TMC1: variants seen among roughly 807,000 people sequenced by gnomAD.
TMC1 encodes the protein transmembrane channel-like protein 1.
Under a neutral mutation model 105.8 loss-of-function variants are expected in TMC1, and 84 were observed. The ratio of observed to expected loss-of-function variants is 0.79; its 90% CI spans 0.67 to 0.95. The LOEUF is 0.95. Ranked by LOEUF, TMC1 falls within the 40% of genes least tolerant of loss-of-function variation. The probability of loss-of-function intolerance (pLI) is 0.00; values close to 1 mark genes in which losing one functional copy is unlikely to be tolerated. For synonymous variants in TMC1, 315 were observed against 311.5 expected (o/e 1.01, Z -0.12); for missense variants, 817 against 914.1 (o/e 0.89, Z 1.37).
intron 1 of TMC1, among the ~76,000 whole-genome samples, chr9:72,576,119 A>G (rs1053699508): frequency 1.3e-5 from 2 of 152,240 alleles, no homozygotes; most frequent in African/African-American, 4.8e-5. Context: ...TGGAATCTTC[A>G]TTAAGATGTC....
At chr9:72,626,488 C>T (rs1825349307) in intron 3 of TMC1, among the ~76,000 whole-genome samples, 1 of 152,122 alleles carries the variant, frequency 6.6e-6, no homozygotes, top group African/African-American at 2.4e-5. Context: ...CCAACAATAG[C>T]ACCTTTAGTA....
At chr9:72,656,112 G>A in intron 5 of TMC1, 1 of 669,360 alleles carries the variant, frequency 1.5e-6, no homozygotes, top group Non-Finnish European at 2.8e-6. Context: ...ATTTTACATT[G>A]CAGCTTGTTA....
chr9:72,706,774 C>G lies in TMC1; in HGVS notation c.362+6131C>G, dbSNP rs980122181. Among the ~76,000 whole-genome samples, 5 of 147,708 alleles carry G rather than the reference C, an allele frequency of 3.4e-5. 1 individual carries two copies. The highest frequency in any genetic ancestry group is 2.7e-4 in the Admixed American group (4 of 14,722). On this transcript the variant is annotated intron_variant, in intron 8 of 23. Transcript: ENST00000297784. ...TATTTCTTTCTTTTTCTTTTTCTTT[C>G]TTTCTTTTTTTTTTTTTTGAGATGG...
intron 5 of TMC1, among the ~76,000 whole-genome samples, chr9:72,673,092 T>G (rs895219058): frequency 6.6e-6 from 1 of 152,174 alleles, no homozygotes; most frequent in Non-Finnish European, 1.5e-5. Flanking sequence ...ATTTGGTAAC[T>G]AATATCATAC....
At position 72,735,771 on chromosome 9, in the gene TMC1, G is replaced by A. The variant is rs536325473; in HGVS notation, c.363-4348G>A. ...GTCCCTTCTTGAAGGCCTGTCACCT[G>A]CAAGAGTACTTTCTTACATCCTATG... On this transcript the variant is annotated intron_variant, in intron 8 of 23. Transcript: ENST00000297784. 1.5e-4 allele frequency among the ~76,000 whole-genome samples: 23 copies of A among 152,014 alleles called. No homozygotes were observed. In the South Asian group the frequency reaches 4.8e-3, roughly 32 times the overall value.
intron 1 of TMC1, among the ~76,000 whole-genome samples, chr9:72,528,611 G>C (rs1218267930): frequency 6.6e-6 from 1 of 152,178 alleles, no homozygotes; most frequent in East Asian, 1.9e-4. Flanking sequence ...TAGGGTTACA[G>C]ATGTGAGCCA....
intron 4 of TMC1, among the ~76,000 whole-genome samples, chr9:72,633,660 C>A (rs1825485787): frequency 6.6e-6 from 1 of 152,152 alleles, no homozygotes; most frequent in African/African-American, 2.4e-5. Flanking sequence ...TTGACTGGCA[C>A]AAGACACAAT....
intron 2 of TMC1, among the ~76,000 whole-genome samples, chr9:72,596,783 T>TA (rs1824728852): frequency 6.6e-6 from 1 of 151,992 alleles, no homozygotes; most frequent in African/African-American, 2.4e-5. Flanking sequence ...ATTTGAATGT[T>TA]AAAAGCTTTC....
intron 1 of TMC1, among the ~76,000 whole-genome samples, chr9:72,568,125 C>T (rs574140243): frequency 1.3e-5 from 2 of 151,762 alleles, no homozygotes; most frequent in Admixed American, 1.3e-4. Context: ...TCAGGAATCC[C>T]CAGATAAACA....
At chr9:72,554,400 T>C (rs1823898922) in intron 1 of TMC1, among the ~76,000 whole-genome samples, 1 of 152,206 alleles carries the variant, frequency 6.6e-6, no homozygotes, top group Admixed American at 6.5e-5. Context: ...CTGAATTCTT[T>C]CCAGTTACAT....
chr9:72,533,132 G>C (rs1035358009), intron 1 of TMC1, among the ~76,000 whole-genome samples: 1 of 152,216 alleles, frequency 6.6e-6, no homozygotes, highest in Non-Finnish European at 1.5e-5. Context: ...GGAAATACTT[G>C]TGAGACAGTG....
At chr9:72,817,937 C>T (rs1299129890) in intron 19 of TMC1, among the ~76,000 whole-genome samples, 1 of 152,158 alleles carries the variant, frequency 6.6e-6, no homozygotes, top group Non-Finnish European at 1.5e-5. Flanking sequence ...AAGATATTCA[C>T]ACACTTTCCA....
At chr9:72,686,077 T>C (rs182133317) in intron 5 of TMC1, among the ~76,000 whole-genome samples, 1 of 152,328 alleles carries the variant, frequency 6.6e-6, no homozygotes, top group East Asian at 1.9e-4. Context: ...CTGCATGAAA[T>C]GAGGATCTGG....
At chr9:72,656,280 C>G (rs1043697179) in intron 5 of TMC1, 6 of 290,444 alleles carry the variant, frequency 2.1e-5, no homozygotes, top group African/African-American at 1.3e-4. Context: ...CAGAGCTCCA[C>G]AACACCTACG....
chr9:72,633,468 C>T (rs980797035), intron 4 of TMC1, among the ~76,000 whole-genome samples: 1 of 152,120 alleles, frequency 6.6e-6, no homozygotes, highest in African/African-American at 2.4e-5. Context: ...GCTCCTGACC[C>T]ATGCCTGTCA....
Position 72,740,108 on chromosome 9 carries a change from T to C in TMC1, c.363-11T>C. ...CTCCTTTTATCCCTTATGTTATTTT[T>C]ATTTTCTCAGGGAGGCAAAAAAATT... On this transcript the variant is annotated splice_polypyrimidine_tract_variant and intron_variant, in intron 8 of 23. Coordinates refer to ENST00000297784, the MANE Select transcript of TMC1 (RefSeq NM_138691.3). 6.2e-7 allele frequency: 1 copy of C among 1,610,142 alleles called. No individual in the cohort carries two copies. The highest frequency in any genetic ancestry group is 1.1e-5 in the South Asian group (1 of 90,994).
Position 72,640,425 on chromosome 9 carries a change from G to C in TMC1, c.-52-8172G>C, listed in dbSNP as rs146464853. Among the ~76,000 whole-genome samples the C allele has an allele frequency of 2.3e-3, 356 of 152,254 alleles. 2 individuals are homozygous for C. Among genetic ancestry groups the C allele is most frequent in the African/African-American group, 8.4e-3 (349 of 41,546 alleles). On this transcript the variant is annotated intron_variant, in intron 4 of 23. Coordinates refer to ENST00000297784, the MANE Select transcript of TMC1 (RefSeq NM_138691.3). ...TCTAAGCTATCCAGGCATCATCATGGGGGTGAGCAGCCTGAATGACAGTAA... is the reference window on the plus strand; with the variant it reads ...TCTAAGCTATCCAGGCATCATCATGCGGGTGAGCAGCCTGAATGACAGTAA...
chr9:72,825,435 C>G (rs916452735), intron 20 of TMC1, among the ~76,000 whole-genome samples: 1 of 152,266 alleles, frequency 6.6e-6, no homozygotes, highest in East Asian at 1.9e-4. Context: ...ATAATTTGTA[C>G]GTAATTAAGA....
At position 72,792,504 on chromosome 9, in the gene TMC1, G is replaced by A. The variant is rs768443837; in HGVS notation, c.1566+152G>A. On this transcript the variant is annotated intron_variant, in intron 17 of 23. Transcript: ENST00000297784. ...ACTGTGTGCTGGCTCTGAATTTCAT[G>A]TATATTATCTCACACTGTTTGCAAA... 3 of 922,780 alleles carry A rather than the reference G, an allele frequency of 3.3e-6. No homozygotes were observed. The South Asian group carries it at 4.1e-5, about 13-fold the overall frequency. The allele number at this position is 922,780 out of a possible 1,614,324, so 57.2% of individuals were successfully genotyped here. A position where few individuals can be genotyped will look rare whatever the true frequency, so the allele number is the denominator to read the frequency against.
Sources: allele counts gnomAD v4.1 joint callset (sites outside exome capture counted in the v4.1 genomes callset), GRCh38; gene constraint gnomAD v4.1.1; transcripts MANE v1.5; gene names NCBI Gene and HGNC (gene_info 2026-07-23, HGNC 2026-07-21).